SUMF1: variants seen among roughly 807,000 people sequenced by gnomAD.
SUMF1 encodes sulfatase modifying factor 1, also known as formylglycine-generating enzyme.
In SUMF1, 48 loss-of-function variants were observed where a neutral mutation model predicts 47.6. That is an observed-to-expected ratio of 1.01 (90% CI 0.80 to 1.28). The LOEUF (loss-of-function observed/expected upper bound fraction) is 1.28. SUMF1 is among the 50% of genes most tolerant of loss of function. The pLI is 0.00. For missense variants in SUMF1, 571 were observed against 485.4 expected (o/e 1.18, Z -1.66); for synonymous variants, 230 against 192.1 (o/e 1.20, Z -1.63).
intron 1 of SUMF1, among the ~76,000 whole-genome samples, chr3:4,466,165 G>A (rs1289649696): frequency 1.3e-5 from 2 of 151,968 alleles, no homozygotes; most frequent in Non-Finnish European, 2.9e-5. Context: ...AGGCTGGAGT[G>A]CAGTGGCAAG....
At chr3:4,083,867 G>A (rs953342377) in intron 8 of SUMF1, among the ~76,000 whole-genome samples, 1 of 150,932 alleles carries the variant, frequency 6.6e-6, no homozygotes, top group African/African-American at 2.4e-5. Flanking sequence ...GCTTAGAAAT[G>A]GACTTTGTAG....
At chr3:4,194,526 ATT>A (rs1695388000) in intron 8 of SUMF1, among the ~76,000 whole-genome samples, 1 of 152,188 alleles carries the variant, frequency 6.6e-6, no homozygotes. Flanking sequence ...CCAAGATAAT[ATT>A]TACAGATATG....
intron 8 of SUMF1, among the ~76,000 whole-genome samples, chr3:4,368,724 G>A (rs1161609918): frequency 6.6e-6 from 1 of 152,116 alleles, no homozygotes. Context: ...ATAAACATAA[G>A]AGAGCCTAAC....
intron 8 of SUMF1, among the ~76,000 whole-genome samples, chr3:4,345,581 C>T (rs1426413290): frequency 6.6e-6 from 1 of 152,118 alleles, no homozygotes; most frequent in Non-Finnish European, 1.5e-5. Context: ...TGCAAAAACA[C>T]ACCAAACTAT....
At chr3:4,385,945 G>A (rs1700658106) in intron 7 of SUMF1, among the ~76,000 whole-genome samples, 1 of 152,160 alleles carries the variant, frequency 6.6e-6, no homozygotes, top group Admixed American at 6.5e-5. Context: ...CATCATATAT[G>A]TGTGGGCCTA....
chr3:4,415,150 C>G (rs1701668409), intron 6 of SUMF1, among the ~76,000 whole-genome samples: 1 of 150,592 alleles, frequency 6.6e-6, no homozygotes, highest in African/African-American at 2.5e-5. Context: ...TCACTTGAAC[C>G]CAGGAGGCGG....
intron 8 of SUMF1, among the ~76,000 whole-genome samples, chr3:4,101,220 A>C (rs1235505745): frequency 6.6e-6 from 1 of 152,158 alleles, no homozygotes; most frequent in Non-Finnish European, 1.5e-5. Flanking sequence ...TATTCGCAAG[A>C]GTCAAGATAT....
At chr3:4,235,648 C>A (rs1428092208) in intron 8 of SUMF1, among the ~76,000 whole-genome samples, 1 of 152,054 alleles carries the variant, frequency 6.6e-6, no homozygotes, top group Admixed American at 6.6e-5. Context: ...TATGTACTTA[C>A]AAGGGAACAT....
At chr3:4,202,107 A>G (rs1294776715) in intron 8 of SUMF1, among the ~76,000 whole-genome samples, 1 of 151,920 alleles carries the variant, frequency 6.6e-6, no homozygotes, top group East Asian at 1.9e-4. Flanking sequence ...TTTTAACTTT[A>G]TGAGATCTCA....
At chr3:4,366,691 C>T (rs1489839519) in intron 8 of SUMF1, among the ~76,000 whole-genome samples, 1 of 152,180 alleles carries the variant, frequency 6.6e-6, no homozygotes, top group Non-Finnish European at 1.5e-5. Context: ...GTAGTTCAAT[C>T]GTCTGAAGCC....
intron 8 of SUMF1, among the ~76,000 whole-genome samples, chr3:4,266,314 CTTGGGCAGTATGGCCATT>C (rs1697194314): frequency 6.6e-6 from 1 of 152,126 alleles, no homozygotes; most frequent in Non-Finnish European, 1.5e-5. Flanking sequence ...TATAAATTAC[CTTGGGCAGTATGGCCATT>C]TTCACGATAT....
chr3:4,236,589 C>CTAAA (rs991939830), intron 8 of SUMF1, among the ~76,000 whole-genome samples: 4 of 151,754 alleles, frequency 2.6e-5, no homozygotes, highest in Non-Finnish European at 5.9e-5. Flanking sequence ...CCCCCCATCT[C>CTAAA]TAAATAAATA....
In SUMF1 at chr3:4,395,050, G is replaced by A. The variant is rs115561138; in HGVS notation, c.954+15815C>T. Among the ~76,000 whole-genome samples, 600 of 152,202 alleles carry A rather than the reference G, an allele frequency of 3.9e-3. 4 individuals are homozygous for A. The highest frequency in any genetic ancestry group is 0.014 in the Middle Eastern group (4 of 294). ...TGAGAGTATACTAATCCTTATCATC[G>A]TATTTCATCCTCATAATCACCCTGT... On this transcript the variant is annotated intron_variant, in intron 7 of 8. Coordinates refer to ENST00000272902, the MANE Select transcript of SUMF1 (RefSeq NM_182760.4).
At chr3:4,316,650 C>A in intron 8 of SUMF1, 1 of 1,551,204 alleles carries the variant, frequency 6.4e-7, no homozygotes, top group Admixed American at 2.0e-5. Flanking sequence ...CCACAACGAA[C>A]CATTTCTCGA....
intron 8 of SUMF1, among the ~76,000 whole-genome samples, chr3:4,291,575 T>C (rs1248138684): frequency 6.6e-6 from 1 of 152,144 alleles, no homozygotes; most frequent in Non-Finnish European, 1.5e-5. Context: ...ATTTTATACT[T>C]CTCCAAGGGA....
intron 8 of SUMF1, among the ~76,000 whole-genome samples, chr3:4,211,376 A>G (rs539262776): frequency 2.0e-5 from 3 of 151,164 alleles, no homozygotes; most frequent in South Asian, 2.1e-4. Flanking sequence ...CTCTGTGTCC[A>G]TGTGTTCTCA....
intron 8 of SUMF1, among the ~76,000 whole-genome samples, chr3:4,339,675 T>G (rs1222461758): frequency 6.6e-6 from 1 of 152,184 alleles, no homozygotes; most frequent in East Asian, 1.9e-4. Flanking sequence ...AGCAATTAGA[T>G]GAATACATCT....
intron 3 of SUMF1, among the ~76,000 whole-genome samples, chr3:4,447,339 G>A (rs893335190): frequency 1.3e-5 from 2 of 152,168 alleles, no homozygotes; most frequent in African/African-American, 4.8e-5. Context: ...TATGTTAAAA[G>A]GAGAGTAAAA....
At chr3:4,377,777 A>C (rs1700375694) in intron 7 of SUMF1, among the ~76,000 whole-genome samples, 1 of 152,196 alleles carries the variant, frequency 6.6e-6, no homozygotes, top group African/African-American at 2.4e-5. Flanking sequence ...CCAGAACCGT[A>C]TCAGGGGAGT....
Sources: allele counts gnomAD v4.1 joint callset (sites outside exome capture counted in the v4.1 genomes callset), GRCh38; gene constraint gnomAD v4.1.1; transcripts MANE v1.5; gene names NCBI Gene and HGNC (gene_info 2026-07-23, HGNC 2026-07-21).